The following SLC44A5 variants were observed in gnomAD, a reference collection of about 807,000 sequenced individuals.
The protein encoded by SLC44A5 is choline transporter-like protein 5.
SLC44A5 carries 57 observed loss-of-function variants against 101.8 expected under a neutral mutation model. That is an observed-to-expected ratio of 0.56 (90% CI 0.45 to 0.70). The LOEUF (loss-of-function observed/expected upper bound fraction) is 0.70, where lower values mean the gene tolerates loss of function less well. Among genes scored for constraint, SLC44A5 ranks in the 30% least tolerant of loss-of-function variants. The pLI is 0.00. For missense variants in SLC44A5, 737 were observed against 853.1 expected, an observed-to-expected ratio of 0.86 and a Z score of 1.70; for synonymous variants, 281 against 290.9, an observed-to-expected ratio of 0.97 and a Z score of 0.35.
At chr1:75,255,653 G>A (rs189329187) in intron 6 of SLC44A5, among the ~76,000 whole-genome samples, 4 of 152,174 alleles carry the variant, frequency 2.6e-5, no homozygotes, top group Admixed American at 2.6e-4. Flanking sequence ...GCTGATGAGA[G>A]TCATAGTTCT....
chr1:75,463,534 G>T (rs1342320206), intron 2 of SLC44A5, among the ~76,000 whole-genome samples: 1 of 151,876 alleles, frequency 6.6e-6, no homozygotes, highest in Non-Finnish European at 1.5e-5. Context: ...AATCTTACAG[G>T]CCAGGAAAGA....
chr1:75,480,724 C>G (rs1483986954), intron 2 of SLC44A5, among the ~76,000 whole-genome samples: 1 of 152,118 alleles, frequency 6.6e-6, no homozygotes, highest in East Asian at 1.9e-4. Context: ...TCAAGGAGAA[C>G]TACAAACCAC....
chr1:75,248,317 T>C lies in SLC44A5; in HGVS notation c.345+2893A>G, dbSNP rs1203193351. Among the ~76,000 whole-genome samples the C allele has an allele frequency of 2.0e-5, 3 of 151,962 alleles. No individual in the cohort carries two copies. The East Asian group carries it at 5.8e-4, about 29-fold the overall frequency. ...TAGCTTTGTATATTGATGGAGATAATTTAGTAGAGAAGGAAAAAATGATAA... is the reference window on the plus strand; with the variant it reads ...TAGCTTTGTATATTGATGGAGATAACTTAGTAGAGAAGGAAAAAATGATAA... On this transcript the variant is annotated intron_variant, in intron 7 of 23. Coordinates refer to ENST00000370859, the MANE Select transcript of SLC44A5 (RefSeq NM_001130058.2).
rs1557514486 is a variant in SLC44A5, at chr1:75,203,093, T to A, written c.*634A>T. ...TTTAATCACGAAACATTGCAGGTTT[T>A]AATTTTTTAAAAAACAATGTTTGTA... On this transcript the variant is annotated 3_prime_UTR_variant, in exon 24 of 24. Transcript: ENST00000370859. The A allele has an allele frequency of 6.6e-6, 1 of 152,208 alleles. No individual in the cohort carries two copies. The highest frequency in any genetic ancestry group is 2.4e-5 in the African/African-American group (1 of 41,456). 9.4% of individuals were successfully genotyped at this position (152,208 alleles called of 1,614,324 possible).
intron 3 of SLC44A5, among the ~76,000 whole-genome samples, chr1:75,392,492 G>GT (rs1225699529): frequency 7.1e-6 from 1 of 141,012 alleles, no homozygotes. Context: ...TTATAAAAAA[G>GT]TTAAAAAATA....
chr1:75,263,835 A>G (rs149437064), intron 6 of SLC44A5, among the ~76,000 whole-genome samples: 16 of 152,274 alleles, frequency 1.1e-4, no homozygotes, highest in Non-Finnish European at 2.1e-4. Flanking sequence ...TTGTGTGGAC[A>G]TGGATGAAGC....
intron 5 of SLC44A5, among the ~76,000 whole-genome samples, chr1:75,289,660 G>A (rs1219258809): frequency 6.6e-6 from 1 of 152,166 alleles, no homozygotes; most frequent in Admixed American, 6.5e-5. Flanking sequence ...TTTGATCATG[G>A]AAATTTAATC....
intron 6 of SLC44A5, among the ~76,000 whole-genome samples, chr1:75,264,534 T>C (rs1650828764): frequency 6.6e-6 from 1 of 152,230 alleles, no homozygotes; most frequent in Admixed American, 6.5e-5. Context: ...AATAACATGC[T>C]TCTGAATGAC....
At chr1:75,350,970 A>G (rs1334906508) in intron 3 of SLC44A5, among the ~76,000 whole-genome samples, 1 of 151,628 alleles carries the variant, frequency 6.6e-6, no homozygotes, top group Non-Finnish European at 1.5e-5. Context: ...GTGAATTTTA[A>G]CCGAAAGGAA....
At chr1:75,388,827 T>A (rs1661587110) in intron 3 of SLC44A5, among the ~76,000 whole-genome samples, 1 of 150,524 alleles carries the variant, frequency 6.6e-6, no homozygotes, top group Non-Finnish European at 1.5e-5. Context: ...TAACCTTGAA[T>A]ATAAGTGGCC....
At chr1:75,491,375 A>G (rs1158074873) in intron 2 of SLC44A5, among the ~76,000 whole-genome samples, 1 of 152,154 alleles carries the variant, frequency 6.6e-6, no homozygotes, top group Non-Finnish European at 1.5e-5. Context: ...GATGTGAATT[A>G]ACCAATCCAG....
chr1:75,515,378 AG>A (rs1433409425), intron 2 of SLC44A5, among the ~76,000 whole-genome samples: 1 of 152,108 alleles, frequency 6.6e-6, no homozygotes, highest in African/African-American at 2.4e-5. Context: ...CAAAAAAAAA[AG>A]CAAGCATATT....
the SLC44A5 span, among the ~76,000 whole-genome samples, chr1:75,664,931 A>G: frequency 2.9e-4 from 6 of 20,788 alleles, no homozygotes; most frequent in Middle Eastern, 0.033. Flanking sequence ...AAAAAAAAGA[A>G]AAAAAAAAAA....
intron 2 of SLC44A5, among the ~76,000 whole-genome samples, chr1:75,510,308 G>C (rs187290514): frequency 3.1e-4 from 47 of 152,242 alleles, no homozygotes; most frequent in African/African-American, 1.1e-3. Context: ...AAATGCAGCA[G>C]AAAGTCCAAG....
chr1:75,203,847 T>C lies in SLC44A5; in HGVS notation c.2048-14A>G, dbSNP rs1293856002. 1 of 1,541,110 alleles carries C rather than the reference T, an allele frequency of 6.5e-7. No homozygotes were observed. Among genetic ancestry groups the C allele is most frequent in the East Asian group, 2.5e-5 (1 of 40,230 alleles). On this transcript the variant is annotated splice_polypyrimidine_tract_variant and intron_variant, in intron 23 of 23. Transcript: ENST00000370859. ...CTAAATCTTCCACTAGGAGGAAGAA[T>C]GGTACAGAGTAAATATCAAAGCAGA...
At chr1:75,649,371 A>G in the SLC44A5 span, among the ~76,000 whole-genome samples, 2 of 152,216 alleles carry the variant, frequency 1.3e-5, no homozygotes, top group Non-Finnish European at 2.9e-5. Flanking sequence ...TAAAATAAAT[A>G]TAGATAATGG....
At chr1:75,335,112 C>G (rs1443613178) in intron 4 of SLC44A5, among the ~76,000 whole-genome samples, 1 of 152,206 alleles carries the variant, frequency 6.6e-6, no homozygotes, top group African/African-American at 2.4e-5. Flanking sequence ...GCATGGTATT[C>G]AAAGCCCTAC....
chr1:75,684,937 C>G, the SLC44A5 span, among the ~76,000 whole-genome samples: 1 of 152,226 alleles, frequency 6.6e-6, no homozygotes, highest in South Asian at 2.1e-4. Context: ...AGAAGAGGTT[C>G]TCCGTGAGAG....
chr1:75,646,343 T>C, the SLC44A5 span, among the ~76,000 whole-genome samples: 1 of 151,902 alleles, frequency 6.6e-6, no homozygotes, highest in African/African-American at 2.4e-5. Context: ...GAAGAGGTCC[T>C]TCACATCCTT....
Sources: gnomAD v4.1 joint callset for allele counts (sites outside exome capture counted in the v4.1 genomes callset) on GRCh38, gnomAD v4.1.1 for gene constraint, MANE v1.5 for transcripts, NCBI Gene and HGNC (gene_info 2026-07-23, HGNC 2026-07-21) for gene names.